PRH1: variants seen among roughly 807,000 people sequenced by gnomAD.
PRH1 encodes the protein salivary acidic proline-rich phosphoprotein 1/2.
Under a neutral mutation model 7.9 loss-of-function variants are expected in PRH1, and 7 were observed. That is an observed-to-expected ratio of 0.89 (90% CI 0.50 to 1.67). The LOEUF (loss-of-function observed/expected upper bound fraction) is 1.67. Ranked by LOEUF, PRH1 falls within the 40% of genes most tolerant of loss-of-function variation. The pLI is 0.00. For synonymous variants in PRH1, 45 were observed against 80.8 expected (o/e 0.56, Z 2.38); for missense variants, 109 against 223.6 (o/e 0.49, Z 3.27).
At chr12:11,016,721 G>A (rs551824648) in intron 1 of PRH1, among the ~76,000 whole-genome samples, 2 of 152,178 alleles carry the variant, frequency 1.3e-5, no homozygotes, top group East Asian at 1.9e-4. Flanking sequence ...TCAGTTTGCC[G>A]TTATTGCCTC....
intron 1 of PRH1, among the ~76,000 whole-genome samples, chr12:11,037,901 G>T (rs1942508451): frequency 6.6e-6 from 1 of 152,210 alleles, no homozygotes; most frequent in African/African-American, 2.4e-5. Context: ...AATCAGCAGG[G>T]TGTGGTGGTG....
chr12:10,907,563 G>T (rs1197166322), intron 2 of PRH1, among the ~76,000 whole-genome samples: 5 of 151,690 alleles, frequency 3.3e-5, no homozygotes, highest in Non-Finnish European at 7.4e-5. Context: ...TATATCTATA[G>T]ATATATAGAT....
At chr12:11,117,057 G>A (rs1466714602), downstream of PRH1, among the ~76,000 whole-genome samples, 6 of 152,138 alleles carry the variant, frequency 3.9e-5, no homozygotes, top group South Asian at 1.2e-3. Context: ...CATAATAGTA[G>A]AAGCTCTGGC....
intron 2 of PRH1, among the ~76,000 whole-genome samples, chr12:10,904,955 A>T (rs1406907847): frequency 1.3e-5 from 2 of 152,046 alleles, no homozygotes; most frequent in Non-Finnish European, 2.9e-5. Context: ...GAGACACGCA[A>T]ATCAAAACCA....
intron 2 of PRH1, chr12:10,909,271 T>G (rs770569229): frequency 6.2e-7 from 1 of 1,613,150 alleles, no homozygotes; most frequent in Admixed American, 1.7e-5. Context: ...ATTACAAGAG[T>G]GAAGATACTC....
rs948956871 is a variant in PRH1, at chr12:10,939,555, T to G, written c.-59+34100A>C. ...TTTATTTTCATTGGTTTGTGTGTTT[T>G]TTTTTTTTTTTTTTGTCTTATCTAC... On this transcript the variant is annotated intron_variant, in intron 2 of 3. Coordinates refer to the PRH1 transcript ENST00000539853. Among the ~76,000 whole-genome samples the G allele has an allele frequency of 6.2e-5, 9 of 144,988 alleles. No individual in the cohort carries two copies. The South Asian group carries it at 6.6e-4, about 11-fold the overall frequency.
rs1306876757 is a variant in PRH1 at position 11,088,825 on chromosome 12, T to C, written n.124-41637A>G. On this transcript the variant is annotated intron_variant and non_coding_transcript_variant, in intron 1 of 4. Transcript: ENST00000541977. Reference sequence around the variant, plus strand: ...AAGATGCTAGAAACATACATAGTGGTCATTATAGGACTCTGTGCATGTCTC... The same window carrying C: ...AAGATGCTAGAAACATACATAGTGGCCATTATAGGACTCTGTGCATGTCTC... 6.1e-5 allele frequency among the ~76,000 whole-genome samples: 7 copies of C among 115,538 alleles called. 2 individuals carry two copies. Among genetic ancestry groups the C allele is most frequent in the Non-Finnish European group, 1.4e-4 (7 of 48,808 alleles). The allele number at this position is 115,538 out of a possible 152,430, so 75.8% of individuals were successfully genotyped here.
At chr12:11,020,138 T>C (rs557805703) in intron 1 of PRH1, among the ~76,000 whole-genome samples, 2 of 152,302 alleles carry the variant, frequency 1.3e-5, no homozygotes, top group Admixed American at 1.3e-4. Flanking sequence ...AACCTGAAAA[T>C]AGAAAATTCA....
At chr12:11,034,912 A>G (rs1020674420) in intron 1 of PRH1, 1 of 152,426 alleles carries the variant, frequency 6.6e-6, no homozygotes, top group African/African-American at 2.4e-5. Flanking sequence ...TAATAATAAT[A>G]TTAATAATAA....
intron 1 of PRH1, among the ~76,000 whole-genome samples, chr12:11,014,452 G>A (rs1208465816): frequency 6.6e-6 from 1 of 152,136 alleles, no homozygotes; most frequent in African/African-American, 2.4e-5. Context: ...CAGAATCAAT[G>A]AACTGATGAC....
chr12:11,005,532 A>G lies in PRH1; in HGVS notation c.-125-31811T>C, dbSNP rs372286205. ...AAAGTTTTCTTATCAAAAGAATCCAAGGTTTTCTTGGAAAGTGCAAAAAGG... is the reference window on the plus strand; with the variant it reads ...AAAGTTTTCTTATCAAAAGAATCCAGGGTTTTCTTGGAAAGTGCAAAAAGG... On this transcript the variant is annotated intron_variant, in intron 1 of 3. Transcript: ENST00000539853. Among the ~76,000 whole-genome samples the G allele has an allele frequency of 3.3e-5, 5 of 152,266 alleles. No homozygotes were observed. The East Asian group carries it at 5.8e-4, about 18-fold the overall frequency.
chr12:10,944,540 C>T (rs559315257), intron 2 of PRH1, among the ~76,000 whole-genome samples: 9 of 151,932 alleles, frequency 5.9e-5, no homozygotes, highest in South Asian at 2.1e-4. Context: ...GTTTTTTGGG[C>T]GTCCTTTATT....
chr12:10,969,412 C>T (rs147392198), intron 2 of PRH1, among the ~76,000 whole-genome samples: 197 of 152,316 alleles, frequency 1.3e-3, no homozygotes, highest in African/African-American at 4.3e-3. Context: ...GGGCCACAGT[C>T]TCAGTCTATT....
intron 1 of PRH1, among the ~76,000 whole-genome samples, chr12:11,028,109 C>G (rs536471916): frequency 6.6e-6 from 1 of 152,306 alleles, no homozygotes; most frequent in East Asian, 1.9e-4. Flanking sequence ...CCAGGTCATC[C>G]TTCTATTTGG....
Position 10,883,032 on chromosome 12 carries a change from G to C in PRH1, c.100+29C>G, listed in dbSNP as rs1485739447. On this transcript the variant is annotated intron_variant, in intron 2 of 3. Coordinates refer to ENST00000543626, the MANE Select transcript of PRH1 (RefSeq NM_001393989.1). ...AATTTTTCAGGGAAAAATGGAGACA[G>C]AGTTTACTGAGAATTTATTGGGATT... The C allele has an allele frequency of 3.7e-6, 6 of 1,603,796 alleles. No individual in the cohort carries two copies. The South Asian group carries it at 6.6e-5, about 18-fold the overall frequency.
chr12:10,997,868 CTCA>C (rs1318474058), intron 1 of PRH1: 1 of 1,585,332 alleles, frequency 6.3e-7, no homozygotes, highest in East Asian at 2.2e-5. Flanking sequence ...GTGTAGAAAA[CTCA>C]TCATGTCTAA....
Position 11,090,111 on chromosome 12 carries a change from G to T in PRH1, n.124-42923C>A, listed in dbSNP as rs1378031705. On this transcript the variant is annotated intron_variant and non_coding_transcript_variant, in intron 1 of 4. Coordinates refer to the PRH1 transcript ENST00000541977. ...CGTAATAGAATTTAGCTGTGAACAG[G>T]ACTGTACATTTCTTTCTTATAATAG... is the stretch of plus-strand genomic sequence containing the variant. 2.6e-5 allele frequency among the ~76,000 whole-genome samples: 3 copies of T among 115,714 alleles called. 1 individual carries two copies. Among genetic ancestry groups the T allele is most frequent in the African/African-American group, 8.7e-5 (3 of 34,518 alleles). The allele number at this position is 115,714 out of a possible 152,430, so 75.9% of individuals were successfully genotyped here.
intron 1 of PRH1, among the ~76,000 whole-genome samples, chr12:11,129,016 G>C (rs1946235718): frequency 6.6e-6 from 1 of 152,126 alleles, no homozygotes; most frequent in African/African-American, 2.4e-5. Flanking sequence ...TGGAACTCCT[G>C]GGCTCAAGCA....
chr12:11,045,501 T>C (rs953893186), intron 1 of PRH1, among the ~76,000 whole-genome samples: 7 of 152,054 alleles, frequency 4.6e-5, no homozygotes, highest in East Asian at 3.9e-4. Flanking sequence ...TTATGTGACA[T>C]TGCATGCCTG....
Sources: gnomAD v4.1 joint callset for allele counts (sites outside exome capture counted in the v4.1 genomes callset) on GRCh38, gnomAD v4.1.1 for gene constraint, MANE v1.5 for transcripts, NCBI Gene and HGNC (gene_info 2026-07-23, HGNC 2026-07-21) for gene names.